Variants in WNK2 observed in about 807,000 individuals in gnomAD.
The protein encoded by WNK2 is WNK lysine deficient protein kinase 2.
Under a neutral mutation model 192.1 loss-of-function variants are expected in WNK2, and 67 were observed. The ratio of observed to expected loss-of-function variants is 0.35; its 90% CI spans 0.29 to 0.43. WNK2 has a LOEUF of 0.43. Ranked by LOEUF, WNK2 falls within the 20% of genes least tolerant of loss-of-function variation. WNK2 has a pLI of 1.00. For synonymous variants in WNK2, 1,439 were observed against 1,393.9 expected, an observed-to-expected ratio of 1.03 and a Z score of -0.72; for missense variants, 2,698 against 3,089.7, an observed-to-expected ratio of 0.87 and a Z score of 3.01.
chr9:93,288,962 C>G lies in WNK2; in HGVS notation c.4208C>G (p.Thr1403Ser), dbSNP rs960941815. The change falls in exon 20 of 30, where the codon ACC becomes AGC. Residue 1403 changes from threonine (T) to serine (S), a missense_variant. This residue lies in a region of WNK2 where 1,098 missense variants were observed against 1,101.0 expected (regional missense o/e 1.00). Transcript: ENST00000427277. The stretch of plus-strand genomic sequence containing the variant: ...CCCCAAGATGGAGCAGCTCCAGCCA[C>G]CAGCACCATGCCAGAGCCAGCGTCA... Reference protein sequence around the residue: ...ALPQDGAAPATSTMPEPASGT... With the variant: ...ALPQDGAAPASSTMPEPASGT... The G allele has an allele frequency of 1.2e-6, 2 of 1,605,616 alleles. No individual in the cohort carries two copies. Among genetic ancestry groups the G allele is most frequent in the Non-Finnish European group, 1.7e-6 (2 of 1,176,364 alleles).
At chr9:93,285,387 A>G (rs950252870) in intron 19 of WNK2, among the ~76,000 whole-genome samples, 3 of 152,246 alleles carry the variant, frequency 2.0e-5, no homozygotes, top group African/African-American at 7.2e-5. Context: ...ATTGGAATTA[A>G]TAAGTTAGCA....
At chr9:93,217,604 A>C (rs554825635) in intron 2 of WNK2, among the ~76,000 whole-genome samples, 1 of 152,228 alleles carries the variant, frequency 6.6e-6, no homozygotes, top group African/African-American at 2.4e-5. Flanking sequence ...AGGGGGGCCT[A>C]ACCTCACCCC....
chr9:93,318,673 C>T, intron 29 of WNK2: 3 of 1,504,910 alleles, frequency 2.0e-6, no homozygotes, highest in Non-Finnish European at 1.8e-6. Context: ...TCCCTCCCTT[C>T]TCCATGATTT....
chr9:93,289,757 C>A, intron 20 of WNK2, 137 bp downstream of exon 20: 2 of 994,956 alleles, frequency 2.0e-6, no homozygotes, highest in Non-Finnish European at 2.9e-6. Flanking sequence ...GGTGACCCAC[C>A]CACGTGTGTT....
intron 19 of WNK2, among the ~76,000 whole-genome samples, chr9:93,284,295 G>A (rs145546913): frequency 3.9e-5 from 6 of 152,242 alleles, no homozygotes; most frequent in Admixed American, 1.3e-4. Flanking sequence ...ATCAACACTT[G>A]CAAAATACTA....
chr9:93,292,896 G>A lies in WNK2; in HGVS notation c.5431G>A (p.Asp1811Asn). 2.0e-6 allele frequency: 3 copies of A among 1,519,390 alleles called. No individual in the cohort carries two copies. Among genetic ancestry groups the A allele is most frequent in the Non-Finnish European group, 2.6e-6 (3 of 1,133,422 alleles). 94.1% of individuals were successfully genotyped at this position (1,519,390 alleles called of 1,614,324 possible). A position where few individuals can be genotyped will look rare whatever the true frequency, so the allele number is the denominator to read the frequency against. ...VGEPVSSDSG[D>N]EGPRARPPVQ... is the part of the protein sequence containing the mutation. The stretch of plus-strand genomic sequence containing the variant: ...CGAGCCCGTGTCCAGCGACTCTGGG[G>A]ACGAGGGCCCTCGGGCGAGACCCCC... Residue 1811 changes from aspartate (D) to asparagine (N), a missense_variant, in exon 23 of 30, where the codon GAC (aspartate) becomes AAC (asparagine). Physicochemically the swap from Asp to Asn is conservative, Grantham distance 23. Transcript: ENST00000427277.
chr9:93,197,087 T>C (rs1034462249), intron 2 of WNK2, among the ~76,000 whole-genome samples: 2 of 152,250 alleles, frequency 1.3e-5, no homozygotes, highest in Non-Finnish European at 2.9e-5. Context: ...AGTTTTCATT[T>C]AGCCCCAACA....
rs531299796 is a variant in WNK2 at position 93,301,795 on chromosome 9, G to A, written c.6214+1646G>A. ...AGTGTCAGGTATGGCGCCTACCCAG[G>A]CCCCACTTCCACCCCCATGCTGTGT... is the stretch of plus-strand genomic sequence containing the variant. On this transcript the variant is annotated intron_variant, in intron 26 of 29. Coordinates refer to ENST00000427277, the MANE Select transcript of WNK2 (RefSeq NM_006648.4). Among the ~76,000 whole-genome samples the A allele has an allele frequency of 2.0e-5, 3 of 152,306 alleles. No homozygotes were observed. The South Asian group carries it at 6.2e-4, about 32-fold the overall frequency.
In WNK2 at chr9:93,293,566, C is replaced by T. The variant is rs574172920; in HGVS notation, c.5708+393C>T. On this transcript the variant is annotated intron_variant, in intron 23 of 29. Transcript: ENST00000427277. ...AACTCCTGACCTGAAGTGATCCACCCGCCTTGGCCTCCCAAAGTTCTGAGA... is the reference window on the plus strand; with the variant it reads ...AACTCCTGACCTGAAGTGATCCACCTGCCTTGGCCTCCCAAAGTTCTGAGA... 5.3e-5 allele frequency among the ~76,000 whole-genome samples: 8 copies of T among 152,224 alleles called. No individual in the cohort carries two copies. In the South Asian group the frequency reaches 6.2e-4, roughly 12 times the overall value.
At chr9:93,296,762 T>A in intron 23 of WNK2, among the ~76,000 whole-genome samples, 1 of 88,902 alleles carries the variant, frequency 1.1e-5, no homozygotes, top group African/African-American at 4.7e-5. Context: ...TCCTCCCTTC[T>A]CCATCCTCCC....
chr9:93,306,632 G>A (rs1474118766), intron 26 of WNK2, 145 bp from the exon 27 acceptor site: 24 of 1,034,570 alleles, frequency 2.3e-5, no homozygotes, highest in East Asian at 1.7e-4. Context: ...CGTTTCCCCC[G>A]GCCGGGTCGG....
intron 2 of WNK2, among the ~76,000 whole-genome samples, chr9:93,186,401 G>A (rs1829342883): frequency 6.6e-6 from 1 of 152,202 alleles, no homozygotes; most frequent in Non-Finnish European, 1.5e-5. Context: ...TATATAAACA[G>A]CCACCTTAGC....
chr9:93,222,179 CT>C (rs903289230), intron 2 of WNK2, among the ~76,000 whole-genome samples: 4 of 151,856 alleles, frequency 2.6e-5, no homozygotes, highest in African/African-American at 9.7e-5. Flanking sequence ...TTCCCACCCC[CT>C]TTTTTTGAGG....
chr9:93,193,422 A>T (rs1325666160), intron 2 of WNK2, among the ~76,000 whole-genome samples: 3 of 152,178 alleles, frequency 2.0e-5, no homozygotes, highest in African/African-American at 4.8e-5. Flanking sequence ...TCCCCCTGCA[A>T]AATAAACAGT....
chr9:93,305,838 C>G (rs1014601856), intron 26 of WNK2, among the ~76,000 whole-genome samples: 1 of 152,190 alleles, frequency 6.6e-6, no homozygotes, highest in Non-Finnish European at 1.5e-5. Context: ...GGCAAGGGGC[C>G]GTGGGCTGGA....
intron 4 of WNK2, 117 bp downstream of exon 4, chr9:93,231,225 G>A (rs905266685): frequency 2.4e-5 from 25 of 1,021,120 alleles, no homozygotes; most frequent in Admixed American, 4.0e-5. Context: ...TGGGAGGAGC[G>A]TCTGGGCACG....
intron 3 of WNK2, among the ~76,000 whole-genome samples, chr9:93,230,442 T>C (rs1257424267): frequency 3.9e-5 from 6 of 152,156 alleles, no homozygotes; most frequent in Non-Finnish European, 8.8e-5. Context: ...AGGGCACAGC[T>C]CAGGGCAGGC....
At chr9:93,286,621 A>C (rs1352490923) in intron 19 of WNK2, among the ~76,000 whole-genome samples, 1 of 152,200 alleles carries the variant, frequency 6.6e-6, no homozygotes, top group Non-Finnish European at 1.5e-5. Flanking sequence ...CAAAAAATTA[A>C]AATAGAACTA....
At chr9:93,196,149 T>C (rs907940022) in intron 2 of WNK2, among the ~76,000 whole-genome samples, 3 of 152,178 alleles carry the variant, frequency 2.0e-5, no homozygotes, top group Non-Finnish European at 4.4e-5. Flanking sequence ...AGTTATCTTA[T>C]AAGCCAGGAC....
Sources: gnomAD v4.1 joint callset for allele counts (sites outside exome capture counted in the v4.1 genomes callset) on GRCh38, gnomAD v4.1.1 for gene constraint, gnomAD v4.1.1 regional missense constraint, MANE v1.5 for transcripts, NCBI Gene and HGNC (gene_info 2026-07-23, HGNC 2026-07-21) for gene names.